The following GLRB variants were observed in gnomAD, a reference collection of about 807,000 sequenced individuals.
GLRB encodes glycine receptor subunit beta.
A neutral mutation model predicts 54.2 loss-of-function variants in GLRB; 33 were observed. That is an observed-to-expected ratio of 0.61 (90% confidence interval 0.46 to 0.81). The LOEUF (loss-of-function observed/expected upper bound fraction) is 0.81, where lower values mean the gene tolerates loss of function less well. GLRB is among the 40% of genes least tolerant of loss of function. The probability of loss-of-function intolerance (pLI) is 0.00; values close to 1 mark genes in which losing one functional copy is unlikely to be tolerated. For missense variants in GLRB, 572 were observed against 584.6 expected, an observed-to-expected ratio of 0.98 and a Z score of 0.22; for synonymous variants, 209 against 208.2, an observed-to-expected ratio of 1.00 and a Z score of -0.03.
intron 2 of GLRB, among the ~76,000 whole-genome samples, chr4:157,115,235 A>G (rs1418177484): frequency 6.9e-6 from 1 of 145,878 alleles, no homozygotes; most frequent in African/African-American, 2.5e-5. Flanking sequence ...TTCCATTGAC[A>G]TATTTCCATT....
At chr4:157,087,136 A>G (rs1734440204) in intron 2 of GLRB, among the ~76,000 whole-genome samples, 1 of 152,178 alleles carries the variant, frequency 6.6e-6, no homozygotes, top group African/African-American at 2.4e-5. Context: ...AGAAAATTAA[A>G]TGGATAGCTG....
intron 2 of GLRB, among the ~76,000 whole-genome samples, chr4:157,090,733 A>G (rs1734580020): frequency 6.6e-6 from 1 of 152,090 alleles, no homozygotes; most frequent in Admixed American, 6.5e-5. Flanking sequence ...GAAAATACTG[A>G]TTCTCTGGGT....
Position 157,143,865 on chromosome 4 carries a change from G to A in GLRB, c.810G>A (p.Met270Ile). The change falls in exon 8 of 10, where the codon ATG (methionine) becomes ATA (isoleucine). Residue 270 changes from methionine to isoleucine, a missense_variant. Physicochemically the swap from Met to Ile is conservative, Grantham distance 10. Coordinates refer to ENST00000264428, the MANE Select transcript of GLRB (RefSeq NM_000824.5). The part of the protein sequence containing the change: ...FTLRRQVGFY[M>I]MGVYAPTLLI... Reference sequence around the variant, plus strand: ...TGAGGAGGCAGGTCGGCTTTTACATGATGGGGGTCTACGCCCCAACTCTGC... The same window carrying A: ...TGAGGAGGCAGGTCGGCTTTTACATAATGGGGGTCTACGCCCCAACTCTGC... 1 of 1,613,906 alleles carries A rather than the reference G, an allele frequency of 6.2e-7. No individual in the cohort carries two copies. Among genetic ancestry groups the A allele is most frequent in the Non-Finnish European group, 8.5e-7 (1 of 1,179,946 alleles).
intron 2 of GLRB, among the ~76,000 whole-genome samples, chr4:157,106,251 C>T (rs1311430476): frequency 6.6e-6 from 1 of 151,956 alleles, no homozygotes; most frequent in East Asian, 1.9e-4. Context: ...ATATTTTTTG[C>T]AGAAAAATCC....
intron 2 of GLRB, among the ~76,000 whole-genome samples, chr4:157,095,295 T>G (rs549667471): frequency 6.9e-6 from 1 of 145,470 alleles, no homozygotes; most frequent in East Asian, 2.0e-4. Context: ...TCCCACGTTT[T>G]GTGCCTGAGC....
At chr4:157,116,709 A>G (rs1560951378) in intron 2 of GLRB, among the ~76,000 whole-genome samples, 1 of 151,752 alleles carries the variant, frequency 6.6e-6, no homozygotes, top group East Asian at 1.9e-4. Context: ...AGTATTGATA[A>G]GCTAAAAAAT....
intron 2 of GLRB, among the ~76,000 whole-genome samples, chr4:157,079,747 AT>A (rs1380964119): frequency 3.3e-5 from 5 of 152,152 alleles, no homozygotes; most frequent in Non-Finnish European, 5.9e-5. Context: ...CAAGCTGGAG[AT>A]TAGCATTTTA....
rs546257992 is a variant in GLRB, at chr4:157,152,748, A to T, written c.935A>T (p.Glu312Val). 4 of 1,613,728 alleles carry T rather than the reference A, an allele frequency of 2.5e-6. No homozygotes were observed. The South Asian group carries it at 4.4e-5, about 18-fold the overall frequency. The change falls in exon 9 of 10, where the codon GAG (glutamate) becomes GTG (valine). Residue 312 changes from glutamate (E) to valine (V), a missense_variant. By Grantham distance (121) the Glu-to-Val change is moderately radical (BLOSUM62 -2). Coordinates refer to ENST00000264428, the MANE Select transcript of GLRB (RefSeq NM_000824.5). ...GIFSVLSLASECTTLAAELPK... is the reference protein window; with the variant it reads ...GIFSVLSLASVCTTLAAELPK... Reference sequence around the variant, plus strand: ...TTCTCAGTCCTCAGCTTGGCCTCTGAGTGCACAACCCTTGCCGCTGAGCTT... The same window carrying T: ...TTCTCAGTCCTCAGCTTGGCCTCTGTGTGCACAACCCTTGCCGCTGAGCTT...
At chr4:157,126,035 A>C (rs1009795215) in intron 4 of GLRB, among the ~76,000 whole-genome samples, 48 of 152,006 alleles carry the variant, frequency 3.2e-4, no homozygotes, top group African/African-American at 1.0e-3. Context: ...GCCTGGGAGT[A>C]GATATAACAT....
At chr4:157,083,798 A>G (rs1304887115) in intron 2 of GLRB, among the ~76,000 whole-genome samples, 1 of 152,184 alleles carries the variant, frequency 6.6e-6, no homozygotes, top group Non-Finnish European at 1.5e-5. Context: ...CTTATTTTTA[A>G]GGTTTGAAAT....
intron 9 of GLRB, among the ~76,000 whole-genome samples, chr4:157,157,433 T>A (rs1312812841): frequency 6.6e-6 from 1 of 152,196 alleles, no homozygotes; most frequent in Non-Finnish European, 1.5e-5. Context: ...GTTGGTGTGC[T>A]GCACCCCTTA....
chr4:157,163,138 G>A (rs185417020), intron 9 of GLRB, among the ~76,000 whole-genome samples: 53 of 152,302 alleles, frequency 3.5e-4, no homozygotes, highest in Middle Eastern at 3.4e-3. Context: ...TCCGAGCCAC[G>A]CATGGGATAT....
intron 4 of GLRB, among the ~76,000 whole-genome samples, chr4:157,134,163 A>G (rs1736316802): frequency 6.6e-6 from 1 of 152,086 alleles, no homozygotes; most frequent in Non-Finnish European, 1.5e-5. Context: ...AATACTGTGA[A>G]CATTATTATA....
At chr4:157,124,291 A>T (rs531756038) in intron 4 of GLRB, among the ~76,000 whole-genome samples, 2 of 151,738 alleles carry the variant, frequency 1.3e-5, no homozygotes, top group East Asian at 3.9e-4. Flanking sequence ...TCTAAACAGA[A>T]ATTTTCATGG....
intron 2 of GLRB, among the ~76,000 whole-genome samples, chr4:157,104,567 G>C (rs987635540): frequency 6.6e-5 from 10 of 151,448 alleles, no homozygotes; most frequent in African/African-American, 2.4e-4. Flanking sequence ...GAGCAATATT[G>C]GGCTCACAAA....
At chr4:157,112,001 A>G (rs559490105) in intron 2 of GLRB, among the ~76,000 whole-genome samples, 4 of 151,430 alleles carry the variant, frequency 2.6e-5, no homozygotes, top group African/African-American at 9.7e-5. Context: ...TGGGCTATTT[A>G]TTCTTTGAAT....
chr4:157,146,432 C>T (rs2126589478), intron 8 of GLRB, among the ~76,000 whole-genome samples: 1 of 152,234 alleles, frequency 6.6e-6, no homozygotes, highest in African/African-American at 2.4e-5. Context: ...TGACCTCGGG[C>T]AAGAGCAGAA....
At chr4:157,138,237 A>G (rs530190994) in intron 6 of GLRB, among the ~76,000 whole-genome samples, 1 of 152,012 alleles carries the variant, frequency 6.6e-6, no homozygotes, top group African/African-American at 2.4e-5. Context: ...GTGCCTGGCT[A>G]ATTTATGTTT....
At chr4:157,169,384 C>A (rs1467269486) in intron 9 of GLRB, among the ~76,000 whole-genome samples, 1 of 152,028 alleles carries the variant, frequency 6.6e-6, no homozygotes, top group African/African-American at 2.4e-5. Flanking sequence ...TTGGTATTAG[C>A]CTACTCCTCT....
Sources: gnomAD v4.1 joint callset for allele counts (sites outside exome capture counted in the v4.1 genomes callset) on GRCh38, gnomAD v4.1.1 for gene constraint, MANE v1.5 for transcripts, NCBI Gene and HGNC (gene_info 2026-07-23, HGNC 2026-07-21) for gene names.